CES5A: variants seen among roughly 807,000 people sequenced by gnomAD.
CES5A encodes carboxylesterase 5.
CES5A carries 67 observed loss-of-function variants against 62.9 expected under a neutral mutation model. The observed-to-expected ratio is 1.07, with a 90% CI of 0.88 to 1.31. CES5A has a LOEUF of 1.31. Ranked by LOEUF, CES5A falls within the 50% of genes most tolerant of loss-of-function variation. CES5A has a pLI of 0.00. For missense variants in CES5A, 748 were observed against 708.5 expected (o/e 1.06, Z -0.63); for synonymous variants, 296 against 280.8 (o/e 1.05, Z -0.54).
intron 1 of CES5A, among the ~76,000 whole-genome samples, chr16:55,903,070 T>C (rs1417899693): frequency 6.6e-6 from 1 of 151,982 alleles, no homozygotes; most frequent in Non-Finnish European, 1.5e-5. Context: ...CAGTCTGAAA[T>C]GAGATCCTTT....
chr16:55,875,826 G>A (rs2033685604), upstream of CES5A, among the ~76,000 whole-genome samples: 2 of 152,234 alleles, frequency 1.3e-5, no homozygotes, highest in African/African-American at 4.8e-5. Context: ...CCACCGAAAA[G>A]ATTCTCCCTG....
At chr16:55,941,996 G>A (rs1415949442) in intron 2 of CES5A, among the ~76,000 whole-genome samples, 1 of 152,132 alleles carries the variant, frequency 6.6e-6, no homozygotes, top group East Asian at 1.9e-4. Flanking sequence ...AAAAGAAAAT[G>A]TTTTTAACAG....
At chr16:55,877,466 GTATA>G (rs10691094), upstream of CES5A, among the ~76,000 whole-genome samples, 39 of 147,592 alleles carry the variant, frequency 2.6e-4, no homozygotes, top group South Asian at 6.5e-4. Context: ...GTGTGTGTGT[GTATA>G]TATATATATA....
chr16:55,860,664 A>C (rs1302031001), intron 7 of CES5A, among the ~76,000 whole-genome samples: 2 of 152,220 alleles, frequency 1.3e-5, no homozygotes, highest in Non-Finnish European at 2.9e-5. Context: ...AGCAACACTC[A>C]GCCCTAGTCA....
At chr16:55,892,478 A>C (rs1567343411) in intron 1 of CES5A, among the ~76,000 whole-genome samples, 1 of 152,238 alleles carries the variant, frequency 6.6e-6, no homozygotes, top group Non-Finnish European at 1.5e-5. Context: ...AATATTTTAC[A>C]GAGTTTGACT....
intron 5 of CES5A, 40 bp from the exon 6 acceptor site, chr16:55,863,492 C>T (rs1252009787): frequency 2.1e-6 from 2 of 972,778 alleles, no homozygotes; most frequent in Non-Finnish European, 3.4e-6. Flanking sequence ...AGGTTACTCC[C>T]CACCAACACA....
chr16:55,917,465 C>T (rs911902956), intron 1 of CES5A, among the ~76,000 whole-genome samples: 14 of 152,228 alleles, frequency 9.2e-5, no homozygotes, highest in African/African-American at 3.1e-4. Flanking sequence ...GGAAACTTTG[C>T]TTCCAAACTC....
chr16:55,853,485 C>T (rs141420216), intron 9 of CES5A, among the ~76,000 whole-genome samples: 406 of 152,342 alleles, frequency 2.7e-3, no homozygotes, highest in South Asian at 0.023. Context: ...TGTGACTACA[C>T]GGGCAGAACA....
At chr16:55,938,715 G>A (rs1279792379) in intron 2 of CES5A, among the ~76,000 whole-genome samples, 2 of 119,864 alleles carry the variant, frequency 1.7e-5, no homozygotes, top group Non-Finnish European at 3.3e-5. Context: ...CAGCCTGGGG[G>A]AGAGAGTGAG....
At chr16:55,955,699 G>C in intron 1 of CES5A, 1 of 809,256 alleles carries the variant, frequency 1.2e-6, no homozygotes, top group South Asian at 1.7e-5. Flanking sequence ...TGGCAGTCAA[G>C]GTATCCATCT....
At chr16:55,862,231 C>T (rs555659063) in intron 6 of CES5A, among the ~76,000 whole-genome samples, 24 of 152,274 alleles carry the variant, frequency 1.6e-4, no homozygotes, top group African/African-American at 5.8e-4. Flanking sequence ...ATTTGTAGAA[C>T]TCACTCCCTG....
intron 1 of CES5A, among the ~76,000 whole-genome samples, chr16:55,894,181 G>C (rs1291401975): frequency 6.6e-6 from 1 of 152,046 alleles, no homozygotes; most frequent in African/African-American, 2.4e-5. Flanking sequence ...AGAAAAGAAA[G>C]CTGGGAGAAT....
At chr16:55,900,700 G>T (rs1446117587) in intron 1 of CES5A, among the ~76,000 whole-genome samples, 1 of 152,120 alleles carries the variant, frequency 6.6e-6, no homozygotes, top group Non-Finnish European at 1.5e-5. Flanking sequence ...AGCAGATTTG[G>T]GGTGAGGAAC....
At chr16:55,951,335 A>T (rs936077342) in intron 1 of CES5A, among the ~76,000 whole-genome samples, 4 of 152,080 alleles carry the variant, frequency 2.6e-5, no homozygotes, top group African/African-American at 7.2e-5. Context: ...AAAGAAATAA[A>T]AGTTTTTAAT....
chr16:55,952,355 C>G (rs1207308800), intron 1 of CES5A, among the ~76,000 whole-genome samples: 1 of 151,616 alleles, frequency 6.6e-6, no homozygotes, highest in Non-Finnish European at 1.5e-5. Flanking sequence ...CTCTTCAGTT[C>G]AAGAAGTTAG....
intron 1 of CES5A, among the ~76,000 whole-genome samples, chr16:55,917,865 T>C (rs1289409169): frequency 6.6e-6 from 1 of 152,138 alleles, no homozygotes; most frequent in Non-Finnish European, 1.5e-5. Context: ...ATTTTCCCCA[T>C]CCCAAACTTC....
chr16:55,908,055 T>TTAC, intron 1 of CES5A, among the ~76,000 whole-genome samples: 1 of 152,270 alleles, frequency 6.6e-6, no homozygotes, highest in East Asian at 1.9e-4. Context: ...ATGCTCTGAC[T>TTAC]TACTATTCTC....
At chr16:55,905,839 C>A (rs894752986) in intron 1 of CES5A, among the ~76,000 whole-genome samples, 1 of 152,056 alleles carries the variant, frequency 6.6e-6, no homozygotes, top group Non-Finnish European at 1.5e-5. Flanking sequence ...CAATGGAGAA[C>A]AAAGAATACA....
chr16:55,856,698 G>C (rs553101048), intron 8 of CES5A, among the ~76,000 whole-genome samples: 1 of 152,226 alleles, frequency 6.6e-6, no homozygotes, highest in African/African-American at 2.4e-5. Context: ...TTGTGGGAAG[G>C]CTCCCATTAT....
Sources: allele counts gnomAD v4.1 joint callset (sites outside exome capture counted in the v4.1 genomes callset), GRCh38; gene constraint gnomAD v4.1.1; transcripts MANE v1.5; gene names NCBI Gene and HGNC (gene_info 2026-07-23, HGNC 2026-07-21).